The following ANO3 variants were observed in gnomAD, a reference collection of about 807,000 sequenced individuals.
The protein encoded by ANO3 is anoctamin-3.
In ANO3, 99 loss-of-function variants were observed where a neutral mutation model predicts 144.8. The ratio of observed to expected loss-of-function variants is 0.68; its 90% CI spans 0.58 to 0.81. The LOEUF (loss-of-function observed/expected upper bound fraction) is 0.81, where lower values mean the gene tolerates loss of function less well. ANO3 is among the 30% of genes least tolerant of loss of function. The pLI, the probability that ANO3 is intolerant of heterozygous loss-of-function variation, is 0.00. For missense variants in ANO3, 905 were observed against 1,202.2 expected (o/e 0.75, Z 3.66); for synonymous variants, 414 against 392.6 (o/e 1.05, Z -0.64).
chr11:26,654,285 A>G (rs189752700), intron 24 of ANO3, among the ~76,000 whole-genome samples: 53 of 152,246 alleles, frequency 3.5e-4, no homozygotes, highest in African/African-American at 1.2e-3. Context: ...TCTCTGAGAC[A>G]TGTGGTTTGG....
At chr11:26,356,825 T>C (rs1855797480) in intron 1 of ANO3, among the ~76,000 whole-genome samples, 2 of 152,304 alleles carry the variant, frequency 1.3e-5, no homozygotes, top group South Asian at 4.1e-4. Context: ...TATTTTTAAC[T>C]TGTGGCTGCT....
intron 24 of ANO3, among the ~76,000 whole-genome samples, chr11:26,649,323 C>T (rs1038289976): frequency 2.6e-5 from 4 of 152,122 alleles, no homozygotes; most frequent in African/African-American, 7.2e-5. Context: ...ATTATTTCTG[C>T]CCTTAACAAT....
intron 14 of ANO3, among the ~76,000 whole-genome samples, chr11:26,595,463 T>G (rs548324929): frequency 6.4e-5 from 9 of 141,102 alleles, no homozygotes; most frequent in South Asian, 2.4e-4. Flanking sequence ...TAGAGTTGTT[T>G]TTTTTTTTTT....
intron 1 of ANO3, among the ~76,000 whole-genome samples, chr11:26,387,324 AT>A (rs1856762569): frequency 6.6e-6 from 1 of 151,756 alleles, no homozygotes; most frequent in East Asian, 1.9e-4. Context: ...AGACTTTCTA[AT>A]TCCATGTCCT....
intron 4 of ANO3, among the ~76,000 whole-genome samples, chr11:26,496,167 G>A (rs139153680): frequency 6.6e-6 from 1 of 152,096 alleles, no homozygotes. Context: ...AATTCAACCT[G>A]CCCTTGCATA....
chr11:26,233,950 G>A (rs1303980016), intron 1 of ANO3, among the ~76,000 whole-genome samples: 3 of 151,924 alleles, frequency 2.0e-5, no homozygotes, highest in Non-Finnish European at 2.9e-5. Flanking sequence ...CAGTAGGTAG[G>A]GGGCAAGGGG....
intron 1 of ANO3, among the ~76,000 whole-genome samples, chr11:26,212,915 T>C (rs1351239247): frequency 6.6e-6 from 1 of 152,012 alleles, no homozygotes; most frequent in African/African-American, 2.4e-5. Flanking sequence ...TAGCAGCACA[T>C]CAAAAAGCTC....
At chr11:26,278,252 C>A (rs562255577) in intron 1 of ANO3, among the ~76,000 whole-genome samples, 10 of 152,244 alleles carry the variant, frequency 6.6e-5, no homozygotes, top group Non-Finnish European at 1.3e-4. Flanking sequence ...CATGAAGACC[C>A]TTGCTCATTT....
At chr11:26,657,423 G>A (rs189847438) in intron 26 of ANO3, among the ~76,000 whole-genome samples, 3 of 151,868 alleles carry the variant, frequency 2.0e-5, no homozygotes, top group African/African-American at 7.3e-5. Flanking sequence ...TTTCCAACCC[G>A]GTGATTAAAA....
chr11:26,542,813 A>G (rs1187119481), intron 11 of ANO3, among the ~76,000 whole-genome samples: 1 of 142,306 alleles, frequency 7.0e-6, no homozygotes, highest in Non-Finnish European at 1.5e-5. Context: ...TGTATTAACA[A>G]GGACTTAAGT....
chr11:26,432,097 ATTC>A (rs1406114841), intron 1 of ANO3, among the ~76,000 whole-genome samples: 1 of 152,144 alleles, frequency 6.6e-6, no homozygotes, highest in Non-Finnish European at 1.5e-5. Flanking sequence ...AATAATAATT[ATTC>A]TGACAGATGT....
intron 1 of ANO3, among the ~76,000 whole-genome samples, chr11:26,225,391 C>G (rs549656328): frequency 5.4e-4 from 82 of 152,186 alleles, no homozygotes; most frequent in African/African-American, 2.0e-3. Flanking sequence ...AGAAAGCTGA[C>G]AATTTGCACA....
chr11:26,657,466 C>T (rs1197791633), intron 26 of ANO3, among the ~76,000 whole-genome samples: 1 of 152,002 alleles, frequency 6.6e-6, no homozygotes, highest in Non-Finnish European at 1.5e-5. Context: ...TACACTTCTC[C>T]CCCCATCTTA....
At chr11:26,236,949 A>G (rs1852544936) in intron 1 of ANO3, among the ~76,000 whole-genome samples, 2 of 152,078 alleles carry the variant, frequency 1.3e-5, no homozygotes, top group South Asian at 4.1e-4. Context: ...TTGGGAAAAT[A>G]TATATTTGCG....
At chr11:26,541,115 CATAA>C (rs1202686764) in intron 10 of ANO3, among the ~76,000 whole-genome samples, 2 of 152,080 alleles carry the variant, frequency 1.3e-5, no homozygotes, top group Non-Finnish European at 2.9e-5. Flanking sequence ...ACTATGCAGC[CATAA>C]AAAAGATGAG....
chr11:26,381,662 G>C (rs1170615785), intron 1 of ANO3, among the ~76,000 whole-genome samples: 1 of 152,190 alleles, frequency 6.6e-6, no homozygotes, highest in East Asian at 1.9e-4. Context: ...TTCATTGGCT[G>C]TCATATACAC....
At chr11:26,489,174 A>T (rs983514598) in intron 4 of ANO3, among the ~76,000 whole-genome samples, 1 of 151,196 alleles carries the variant, frequency 6.6e-6, no homozygotes, top group Non-Finnish European at 1.5e-5. Context: ...CAGCCTAGGG[A>T]CTTGGTGCCC....
chr11:26,562,855 T>C (rs935449230), intron 14 of ANO3, among the ~76,000 whole-genome samples: 1 of 151,994 alleles, frequency 6.6e-6, no homozygotes, highest in African/African-American at 2.4e-5. Flanking sequence ...TTTATACATA[T>C]GTTTAGATTC....
intron 4 of ANO3, among the ~76,000 whole-genome samples, chr11:26,500,715 T>A (rs1602937): frequency 0.73 from 111,031 of 151,678 alleles, 41,132 homozygotes; most frequent in Middle Eastern, 0.83. Flanking sequence ...TATCAGATGT[T>A]TGGTTTCTGA....
Sources: gnomAD v4.1 joint callset for allele counts (sites outside exome capture counted in the v4.1 genomes callset) on GRCh38, gnomAD v4.1.1 for gene constraint, MANE v1.5 for transcripts, NCBI Gene and HGNC (gene_info 2026-07-23, HGNC 2026-07-21) for gene names.